Variants in SUPT3H observed in about 807,000 individuals in gnomAD.
The protein encoded by SUPT3H is SPT3 homolog, SAGA and STAGA complex component.
In SUPT3H, 44 loss-of-function variants were observed where a neutral mutation model predicts 44.3. The ratio of observed to expected loss-of-function variants is 0.99; its 90% CI spans 0.78 to 1.28. The LOEUF is 1.28. Among genes scored for constraint, SUPT3H ranks in the 50% most tolerant of loss-of-function variants. SUPT3H has a pLI of 0.00. For missense variants in SUPT3H, 380 were observed against 387.1 expected (o/e 0.98, Z 0.15); for synonymous variants, 124 against 125.6 (o/e 0.99, Z 0.09).
chr6:44,813,124 A>G (rs1766647912), intron 11 of SUPT3H, among the ~76,000 whole-genome samples: 1 of 152,188 alleles, frequency 6.6e-6, no homozygotes, highest in Non-Finnish European at 1.5e-5. Flanking sequence ...GAAATAGATC[A>G]ACCTTGATCC....
intron 3 of SUPT3H, among the ~76,000 whole-genome samples, chr6:45,034,568 T>A (rs1787407508): frequency 6.6e-6 from 1 of 152,168 alleles, no homozygotes; most frequent in Non-Finnish European, 1.5e-5. Flanking sequence ...ACATAAATGG[T>A]GGGAGGTGTC....
At chr6:45,267,432 GT>G (rs1775432631) in intron 2 of SUPT3H, among the ~76,000 whole-genome samples, 1 of 152,194 alleles carries the variant, frequency 6.6e-6, no homozygotes, top group African/African-American at 2.4e-5. Flanking sequence ...CAAGTGCAAT[GT>G]TTTTATTGCA....
chr6:45,084,394 T>A (rs1796217356), intron 3 of SUPT3H, among the ~76,000 whole-genome samples: 2 of 152,066 alleles, frequency 1.3e-5, no homozygotes, highest in South Asian at 4.2e-4. Context: ...GAAAAAAATT[T>A]CCATATCATT....
rs116000155 is a variant in SUPT3H, at chr6:45,270,202, G to A, written c.101+94999C>T. 2.6e-3 allele frequency among the ~76,000 whole-genome samples: 391 copies of A among 152,212 alleles called. 3 individuals are homozygous for A. Among genetic ancestry groups the A allele is most frequent in the African/African-American group, 8.6e-3 (357 of 41,526 alleles). On this transcript the variant is annotated intron_variant, in intron 2 of 10. Transcript: ENST00000371459. ...CAAGGTCAAGACACTTGTAAATGAT[G>A]ATACCAGCCACTTATTACTCTATCC...
chr6:44,998,849 TTC>T (rs1781619906), intron 6 of SUPT3H, among the ~76,000 whole-genome samples: 1 of 152,006 alleles, frequency 6.6e-6, no homozygotes, highest in Non-Finnish European at 1.5e-5. Flanking sequence ...TTGGTTTATT[TTC>T]ATTATTTCCA....
chr6:44,965,583 C>T lies in SUPT3H; in HGVS notation c.505-3755G>A, dbSNP rs73735286. ...TTTTTGTTTATTCCTCTCTCTTCCC[C>T]TGAATTGTTTAAAAAAAAAATGGAA... On this transcript the variant is annotated intron_variant, in intron 6 of 10. Coordinates refer to ENST00000371459, the MANE Select transcript of SUPT3H (RefSeq NM_003599.4). Among the ~76,000 whole-genome samples the T allele has an allele frequency of 4.3e-3, 593 of 138,976 alleles. 7 individuals are homozygous for T. Among genetic ancestry groups the T allele is most frequent in the African/African-American group, 0.014 (564 of 40,234 alleles). The allele number at this position is 138,976 out of a possible 152,430, so 91.2% of individuals were successfully genotyped here.
intron 3 of SUPT3H, among the ~76,000 whole-genome samples, chr6:45,057,427 T>C (rs558718103): frequency 2.6e-5 from 4 of 151,926 alleles, no homozygotes; most frequent in African/African-American, 4.8e-5. Flanking sequence ...AATTGGAACA[T>C]AGAAGGTATT....
At chr6:45,176,212 G>C (rs952744520) in intron 2 of SUPT3H, among the ~76,000 whole-genome samples, 4 of 151,754 alleles carry the variant, frequency 2.6e-5, no homozygotes, top group Non-Finnish European at 5.9e-5. Context: ...AGGTCAGTGG[G>C]TGCGCGCACC....
chr6:45,011,147 A>G (rs755317636), intron 5 of SUPT3H, among the ~76,000 whole-genome samples: 26 of 152,050 alleles, frequency 1.7e-4, no homozygotes, highest in Non-Finnish European at 1.5e-5. Context: ...TTGCATCTGT[A>G]TTAAAAAACA....
chr6:44,823,786 A>AC, downstream of SUPT3H, among the ~76,000 whole-genome samples: 1 of 151,774 alleles, frequency 6.6e-6, no homozygotes, highest in Non-Finnish European at 1.5e-5. Flanking sequence ...ACATAGTGAA[A>AC]CCCCGTCTCT....
At chr6:45,167,721 G>T (rs1810120693) in intron 2 of SUPT3H, among the ~76,000 whole-genome samples, 1 of 151,230 alleles carries the variant, frequency 6.6e-6, no homozygotes, top group Admixed American at 6.6e-5. Context: ...AACATTGAGA[G>T]AAATATTTAC....
At position 45,028,280 on chromosome 6, in the gene SUPT3H, T is replaced by C. The variant is rs539545395; in HGVS notation, c.187-7648A>G. ...GCACAGGGGTAGCTAATGGCCTACA[T>C]GGTTTGGATAGGGTACTGGGATAAA... On this transcript the variant is annotated intron_variant, in intron 3 of 10. Transcript: ENST00000371459. 5.3e-5 allele frequency among the ~76,000 whole-genome samples: 8 copies of C among 152,290 alleles called. No individual in the cohort carries two copies. The South Asian group carries it at 6.2e-4, about 12-fold the overall frequency.
chr6:45,275,958 A>G (rs1196462435), intron 2 of SUPT3H, among the ~76,000 whole-genome samples: 1 of 152,122 alleles, frequency 6.6e-6, no homozygotes, highest in Non-Finnish European at 1.5e-5. Context: ...CTGAAGAACA[A>G]CCAGTATTAT....
chr6:44,992,970 C>G (rs1780792192), intron 6 of SUPT3H, among the ~76,000 whole-genome samples: 1 of 152,118 alleles, frequency 6.6e-6, no homozygotes, highest in Middle Eastern at 3.4e-3. Flanking sequence ...TTGAGACCAG[C>G]CTGGACAACA....
At chr6:44,884,061 G>A (rs1164782490) in intron 10 of SUPT3H, among the ~76,000 whole-genome samples, 1 of 152,158 alleles carries the variant, frequency 6.6e-6, no homozygotes, top group African/African-American at 2.4e-5. Context: ...AAACTCATCA[G>A]AGTGAACAGA....
intron 3 of SUPT3H, among the ~76,000 whole-genome samples, chr6:45,081,247 T>G (rs1035030415): frequency 6.6e-6 from 1 of 152,232 alleles, no homozygotes; most frequent in Non-Finnish European, 1.5e-5. Context: ...CATTTGATCC[T>G]TAACTCACTT....
chr6:44,978,293 C>A (rs1392775504), intron 6 of SUPT3H, among the ~76,000 whole-genome samples: 1 of 152,116 alleles, frequency 6.6e-6, no homozygotes. Flanking sequence ...AAATCCTTCC[C>A]AACACTTCTA....
intron 2 of SUPT3H, among the ~76,000 whole-genome samples, chr6:45,207,301 C>T (rs757079446): frequency 6.6e-6 from 1 of 152,072 alleles, no homozygotes; most frequent in Non-Finnish European, 1.5e-5. Flanking sequence ...TGAAAACTAG[C>T]CACTGGATTT....
rs147193180 is a variant in SUPT3H at position 45,129,145 on chromosome 6, A to G, written c.102-23139T>C. 2.6e-4 allele frequency among the ~76,000 whole-genome samples: 40 copies of G among 152,360 alleles called. 1 individual carries two copies. The highest frequency in any genetic ancestry group is 8.2e-4 in the African/African-American group (34 of 41,584). On this transcript the variant is annotated intron_variant, in intron 2 of 10. Transcript: ENST00000371459. Reference sequence around the variant, plus strand: ...CTGTAGTTGCTGTATCAAGTTTTATAGAGCAGAAAACCATTAATAGGGCTC... The same window carrying G: ...CTGTAGTTGCTGTATCAAGTTTTATGGAGCAGAAAACCATTAATAGGGCTC...
Sources: allele counts gnomAD v4.1 joint callset (sites outside exome capture counted in the v4.1 genomes callset), GRCh38; gene constraint gnomAD v4.1.1; transcripts MANE v1.5; gene names NCBI Gene and HGNC (gene_info 2026-07-23, HGNC 2026-07-21).